IFT81: variants seen among roughly 807,000 people sequenced by gnomAD.
IFT81 encodes the protein intraflagellar transport protein 81 homolog.
In IFT81, 72 loss-of-function variants were observed where a neutral mutation model predicts 102.6. That is an observed-to-expected ratio of 0.70 (90% CI 0.58 to 0.85). IFT81 has a LOEUF of 0.85. Among genes scored for constraint, IFT81 ranks in the 40% least tolerant of loss-of-function variants. The pLI, the probability that IFT81 is intolerant of heterozygous loss-of-function variation, is 0.00. For missense variants in IFT81, 723 were observed against 787.3 expected (o/e 0.92, Z 0.98); for synonymous variants, 237 against 242.7 (o/e 0.98, Z 0.22).
chr12:110,146,001 G>A (rs989276379), intron 9 of IFT81, among the ~76,000 whole-genome samples: 5 of 151,366 alleles, frequency 3.3e-5, no homozygotes, highest in South Asian at 2.1e-4. Context: ...TAGTAGAGAC[G>A]GGGTTTCACC....
intron 18 of IFT81, among the ~76,000 whole-genome samples, chr12:110,215,738 G>A (rs894847107): frequency 1.3e-5 from 2 of 151,278 alleles, no homozygotes; most frequent in Non-Finnish European, 2.9e-5. Flanking sequence ...CTGACTTTGT[G>A]TCTACTCTTG....
intron 10 of IFT81, among the ~76,000 whole-genome samples, chr12:110,157,612 T>C (rs1011212067): frequency 6.6e-6 from 1 of 152,228 alleles, no homozygotes; most frequent in Non-Finnish European, 1.5e-5. Context: ...ATATTCTATC[T>C]GTCCCTTTCT....
chr12:110,148,676 T>C (rs985368541), intron 10 of IFT81, among the ~76,000 whole-genome samples: 4 of 152,252 alleles, frequency 2.6e-5, no homozygotes, highest in African/African-American at 9.6e-5. Context: ...GGTTTCACCA[T>C]CTTGGCCAGG....
rs137970540 is a variant in IFT81 at position 110,143,517 on chromosome 12, A to T, written c.917A>T (p.His306Leu). The change falls in exon 9 of 19, where the codon CAT becomes CTT. Residue 306 changes from histidine to leucine, a missense_variant. His to Leu is a moderately conservative substitution (Grantham distance 99, BLOSUM62 -3). Coordinates refer to ENST00000242591, the MANE Select transcript of IFT81 (RefSeq NM_014055.4). ...QKVVSEPAMG[H>L]SDLLELESKI... is the part of the protein sequence containing the mutation. ...GTAGTTTCAGAGCCAGCTATGGGCC[A>T]TTCTGATCTTCTTGAACTTGAATCT... 7.2e-5 allele frequency: 112 copies of T among 1,557,114 alleles called. No homozygotes were observed. The highest frequency in any genetic ancestry group is 5.0e-4 in the Middle Eastern group (3 of 5,944).
intron 11 of IFT81, among the ~76,000 whole-genome samples, chr12:110,171,689 G>A (rs375716475): frequency 2.0e-5 from 3 of 152,178 alleles, no homozygotes; most frequent in African/African-American, 7.2e-5. Flanking sequence ...AATAACAAAG[G>A]CTGCTTTGAA....
chr12:110,172,357 A>ACGG (rs1896779996), intron 11 of IFT81, among the ~76,000 whole-genome samples: 1 of 146,664 alleles, frequency 6.8e-6, no homozygotes, highest in African/African-American at 2.6e-5. Context: ...GCCTCTCCCC[A>ACGG]TGGTCTCCCT....
chr12:110,130,152 C>T (rs1363838629), intron 4 of IFT81, among the ~76,000 whole-genome samples: 1 of 152,034 alleles, frequency 6.6e-6, no homozygotes, highest in African/African-American at 2.4e-5. Context: ...CAATATTGAT[C>T]TCTTAAGACA....
At chr12:110,202,934 G>A (rs551774798) in intron 14 of IFT81, among the ~76,000 whole-genome samples, 1 of 152,222 alleles carries the variant, frequency 6.6e-6, no homozygotes, top group East Asian at 1.9e-4. Flanking sequence ...TTAAGCCCCT[G>A]CCTAGGTCTT....
chr12:110,147,183 A>G (rs1244045615), intron 10 of IFT81, 135 bp downstream of exon 10: 1 of 565,958 alleles, frequency 1.8e-6, no homozygotes, highest in Non-Finnish European at 2.8e-6. Context: ...TCTCCATAGT[A>G]TATCAAAGAA....
intron 11 of IFT81, among the ~76,000 whole-genome samples, chr12:110,177,741 G>A (rs1193024857): frequency 1.3e-5 from 2 of 152,164 alleles, no homozygotes; most frequent in African/African-American, 2.4e-5. Context: ...TAGAGATGGT[G>A]TACTTTCTAT....
chr12:110,209,497 G>A (rs746465353), intron 18 of IFT81, among the ~76,000 whole-genome samples: 13 of 152,142 alleles, frequency 8.5e-5, no homozygotes, highest in African/African-American at 1.4e-4. Context: ...GGCTGGGCGC[G>A]GTGGCTCACG....
At chr12:110,181,282 AT>A (rs995099580) in intron 12 of IFT81, among the ~76,000 whole-genome samples, 1 of 152,226 alleles carries the variant, frequency 6.6e-6, no homozygotes, top group African/African-American at 2.4e-5. Context: ...TTTACTGTGA[AT>A]CAACATGGAT....
intron 14 of IFT81, among the ~76,000 whole-genome samples, chr12:110,202,485 A>C: frequency 6.7e-6 from 1 of 148,552 alleles, no homozygotes. Flanking sequence ...ATGGAGTCTC[A>C]CTCTGTCGCC....
chr12:110,133,751 G>A (rs188879535), intron 5 of IFT81, among the ~76,000 whole-genome samples: 9 of 152,070 alleles, frequency 5.9e-5, no homozygotes, highest in Admixed American at 2.6e-4. Context: ...GTTGTAATCC[G>A]CCTCTTTCAA....
At chr12:110,156,906 T>G (rs1436663738) in intron 10 of IFT81, among the ~76,000 whole-genome samples, 1 of 152,232 alleles carries the variant, frequency 6.6e-6, no homozygotes, top group Admixed American at 6.5e-5. Flanking sequence ...CTCCAAAGTT[T>G]CTGATTAGAA....
At chr12:110,183,287 A>G (rs1298303097) in intron 12 of IFT81, among the ~76,000 whole-genome samples, 1 of 152,232 alleles carries the variant, frequency 6.6e-6, no homozygotes, top group Non-Finnish European at 1.5e-5. Flanking sequence ...AGTCCCATTA[A>G]GGATGAAATG....
intron 15 of IFT81, chr12:110,205,164 G>A (rs1476010277): frequency 2.6e-5 from 5 of 193,004 alleles, no homozygotes; most frequent in Non-Finnish European, 5.2e-5. Flanking sequence ...AACCTGCGAG[G>A]AGGAGGTTGC....
intron 14 of IFT81, chr12:110,203,282 A>C (rs1427491332): frequency 6.5e-6 from 1 of 153,314 alleles, no homozygotes; most frequent in Non-Finnish European, 1.5e-5. Context: ...ACAAACAAAC[A>C]AAAGAAATAA....
At chr12:110,157,042 A>G (rs1895880407) in intron 10 of IFT81, among the ~76,000 whole-genome samples, 1 of 149,694 alleles carries the variant, frequency 6.7e-6, no homozygotes, top group East Asian at 2.0e-4. Flanking sequence ...GAGCAGGAGT[A>G]GAAGTTTATT....
Sources: allele counts gnomAD v4.1 joint callset (sites outside exome capture counted in the v4.1 genomes callset), GRCh38; gene constraint gnomAD v4.1.1; transcripts MANE v1.5; gene names NCBI Gene and HGNC (gene_info 2026-07-23, HGNC 2026-07-21).